The following OGT variants were observed in gnomAD, a reference collection of about 807,000 sequenced individuals.
The protein encoded by OGT is O-linked N-acetylglucosamine (GlcNAc) transferase, also known as UDP-N-acetylglucosamine--peptide N-acetylglucosaminyltransferase 110 kDa subunit.
A neutral mutation model predicts 75.8 loss-of-function variants in OGT; 3 were observed. The observed-to-expected ratio is 0.04, with a 90% CI of 0.02 to 0.10. The LOEUF is 0.10. Ranked by LOEUF, OGT falls within the 10% of genes least tolerant of loss-of-function variation. OGT has a pLI of 1.00. For synonymous variants in OGT, 257 were observed against 289.7 expected (o/e 0.89, Z 1.15); for missense variants, 260 against 824.4 (o/e 0.32, Z 8.38).
chrX:71,555,168 G>GTA, intron 6 of OGT, 22 bp from the exon 7 acceptor site: 8 of 1,112,917 alleles, frequency 7.2e-6, no homozygotes, highest in Non-Finnish European at 9.8e-6. Flanking sequence ...GTGTGTGTGT[G>GTA]TGTGTGTGTG....
intron 2 of OGT, chrX:71,536,961 G>GA: frequency 5.3e-6 from 1 of 188,699 alleles, no homozygotes; most frequent in Non-Finnish European, 9.3e-6. Flanking sequence ...CAATGTGGTG[G>GA]GTTTTTTTTT....
Position 71,533,297 on chromosome X carries a change from C to G in OGT, c.-3C>G, listed in dbSNP as rs781553740. On this transcript the variant is annotated 5_prime_UTR_variant, in exon 1 of 22. Transcript: ENST00000373719. ...TTTTTTGCTCTCCCTCGAGAAGCTC[C>G]AGATGGCGTCTTCCGTGGGCAACGT... 8.3e-7 allele frequency: 1 copy of G among 1,199,740 alleles called. No homozygotes were observed. Among genetic ancestry groups the G allele is most frequent in the Non-Finnish European group, 1.1e-6 (1 of 889,259 alleles).
At chrX:71,533,465 C>T (rs1187782386) in intron 1 of OGT, 129 bp downstream of exon 1, 3 of 616,265 alleles carry the variant, frequency 4.9e-6, no homozygotes, top group Non-Finnish European at 7.9e-6. Flanking sequence ...CTAAGCTTTT[C>T]GTGGTCTACT....
intron 15 of OGT, among the ~76,000 whole-genome samples, chrX:71,562,208 A>G (rs2040389269): frequency 8.9e-6 from 1 of 112,808 alleles, no homozygotes; most frequent in Admixed American, 9.4e-5. Flanking sequence ...TCACGCCTGT[A>G]ATCCCAGCAC....
At position 71,533,333 on chromosome X, in the gene OGT, A is replaced by C. The variant is rs1246539337; in HGVS notation, c.34A>C (p.Thr12Pro). 2 of 1,194,317 alleles carry C rather than the reference A, an allele frequency of 1.7e-6. No individual in the cohort carries two copies. Among genetic ancestry groups the C allele is most frequent in the African/African-American group, 3.5e-5 (2 of 56,599 alleles). Residue 12 changes from threonine (T) to proline (P), a missense_variant, in exon 1 of 22, where the codon ACA (threonine) becomes CCA (proline). By Grantham distance (38) the Thr-to-Pro change is conservative (BLOSUM62 -1). Around this residue, in one of 6 missense-constraint regions of OGT, gnomAD observed 38 missense variants for 117.1 expected, o/e 0.32. Coordinates refer to ENST00000373719, the MANE Select transcript of OGT (RefSeq NM_181672.3). ...TTCCGTGGGCAACGTGGCCGACAGC[A>C]CAGGTACCGGTGTCCCGTTCTACCT... Reference protein sequence around the residue: ...ASSVGNVADSTEPTKRMLSFQ... With the variant: ...ASSVGNVADSPEPTKRMLSFQ...
chrX:71,571,057 T>C (rs1273385315), intron 21 of OGT, among the ~76,000 whole-genome samples: 1 of 108,848 alleles, frequency 9.2e-6, no homozygotes, highest in Non-Finnish European at 1.9e-5. Flanking sequence ...CACCTCGGCC[T>C]CCCAAAGTGG....
chrX:71,547,237 T>C, intron 4 of OGT: 1 of 754,155 alleles, frequency 1.3e-6, no homozygotes, highest in Non-Finnish European at 1.6e-6. Flanking sequence ...AAGACATTTT[T>C]CTCCTCAGTA....
chrX:71,563,756 A>G (rs942652358), intron 18 of OGT, among the ~76,000 whole-genome samples: 1 of 112,003 alleles, frequency 8.9e-6, no homozygotes, highest in Non-Finnish European at 1.9e-5. Context: ...ACTCTCTTAC[A>G]TGATGAACTA....
intron 20 of OGT, 95 bp downstream of exon 20, chrX:71,567,847 C>A: frequency 9.2e-7 from 1 of 1,081,480 alleles, no homozygotes; most frequent in Non-Finnish European, 1.2e-6. Flanking sequence ...GTACTAGGAG[C>A]AACATTAAAG....
chrX:71,552,421 C>T (rs1487844099), intron 5 of OGT, among the ~76,000 whole-genome samples: 1 of 98,204 alleles, frequency 1.0e-5, no homozygotes, highest in Non-Finnish European at 2.0e-5. Context: ...CAGGGTCTCA[C>T]TTGATCGCCC....
intron 4 of OGT, chrX:71,546,668 T>G: frequency 1.4e-6 from 1 of 724,658 alleles, no homozygotes. Flanking sequence ...TATTAAAAAT[T>G]ATTAGAGATA....
chrX:71,535,321 T>C (rs1477112525), intron 1 of OGT, among the ~76,000 whole-genome samples: 1 of 111,839 alleles, frequency 8.9e-6, no homozygotes, highest in Non-Finnish European at 1.9e-5. Flanking sequence ...GCCTGGCTTA[T>C]ATAGGCTTGT....
At chrX:71,561,983 CTG>C (rs2040387744) in intron 15 of OGT, 83 bp downstream of exon 15, 4 of 963,072 alleles carry the variant, frequency 4.2e-6, no homozygotes, top group Middle Eastern at 5.5e-4. Flanking sequence ...CTCTGGTTAA[CTG>C]ATATTTGAAA....
intron 4 of OGT, chrX:71,547,089 TG>T: frequency 1.3e-6 from 1 of 754,562 alleles, no homozygotes; most frequent in Non-Finnish European, 1.6e-6. Context: ...GCGCAAGCGA[TG>T]TTTGCGCTCG....
At chrX:71,536,121 A>T in intron 1 of OGT, 57 bp from the exon 2 acceptor site, 2 of 1,073,989 alleles carry the variant, frequency 1.9e-6, no homozygotes, top group Non-Finnish European at 2.5e-6. Context: ...TTTGGTTTAC[A>T]TTTCTAACTT....
intron 5 of OGT, 104 bp from the exon 6 acceptor site, chrX:71,554,409 A>G: frequency 2.0e-6 from 1 of 497,080 alleles, no homozygotes; most frequent in African/African-American, 2.3e-5. Flanking sequence ...ATGAAATGTA[A>G]TTGAAAGTCT....
Position 71,536,335 on chromosome X carries a change from C to T in OGT, c.195C>T (p.His65=). The change falls in exon 2 of 22, where the codon CAC becomes CAT. Residue 65 remains histidine, a synonymous_variant. Coordinates refer to ENST00000373719, the MANE Select transcript of OGT (RefSeq NM_181672.3). The part of the protein sequence containing the change: ...TGVLLLLSSI[H]FQCRRLDRSA... ...TGCTTTTATTACTTTCATCTATACA[C>T]TTCCAGTGTCGAAGGCTGGACAGGT... The T allele has an allele frequency of 1.7e-6, 2 of 1,185,887 alleles. No individual in the cohort carries two copies. The highest frequency in any genetic ancestry group is 2.3e-6 in the Non-Finnish European group (2 of 882,329).
rs904936601 is a variant in OGT at position 71,559,247 on chromosome X, G to T, written c.1603-20G>T. The T allele has an allele frequency of 2.5e-6, 3 of 1,192,568 alleles. No homozygotes were observed. The highest frequency in any genetic ancestry group is 3.5e-5 in the African/African-American group (2 of 56,438). The stretch of plus-strand genomic sequence containing the variant: ...AAATTTATGTAGATTTTACTAACAA[G>T]CATTGGATTCTGTTGATAGATTAAT... On this transcript the variant is annotated intron_variant, in intron 12 of 21. Transcript: ENST00000373719.
In OGT at chrX:71,564,638, G is replaced by A. The variant is rs186760930; in HGVS notation, c.2474G>A (p.Arg825His). The A allele has an allele frequency of 2.5e-6, 3 of 1,202,007 alleles. No homozygotes were observed. The highest frequency in any genetic ancestry group is 3.4e-6 in the Non-Finnish European group (3 of 887,649). ...NKAATGEEVP[R>H]TIIVTTRSQY... Reference sequence around the variant, plus strand: ...GCTGCAACTGGAGAGGAGGTTCCCCGTACCATTATTGTAACCACCCGTTCT... The same window carrying A: ...GCTGCAACTGGAGAGGAGGTTCCCCATACCATTATTGTAACCACCCGTTCT... Residue 825 changes from arginine to histidine, a missense_variant, in exon 19 of 22, where the codon CGT (arginine) becomes CAT (histidine). Transcript: ENST00000373719.
Sources: gnomAD v4.1 joint callset for allele counts (sites outside exome capture counted in the v4.1 genomes callset) on GRCh38, gnomAD v4.1.1 for gene constraint, gnomAD v4.1.1 regional missense constraint, MANE v1.5 for transcripts, NCBI Gene and HGNC (gene_info 2026-07-23, HGNC 2026-07-21) for gene names.